Variants in ENOSF1 observed in about 807,000 individuals in gnomAD.
ENOSF1 encodes mitochondrial enolase superfamily member 1.
Under a neutral mutation model 68.2 loss-of-function variants are expected in ENOSF1, and 73 were observed. That is an observed-to-expected ratio of 1.07 (90% CI 0.89 to 1.30). The LOEUF (loss-of-function observed/expected upper bound fraction) is 1.30, where lower values mean the gene tolerates loss of function less well. ENOSF1 is among the 50% of genes most tolerant of loss of function. The pLI is 0.00. For missense variants in ENOSF1, 589 were observed against 554.5 expected (o/e 1.06, Z -0.62); for synonymous variants, 223 against 210.4 (o/e 1.06, Z -0.52).
Position 691,113 on chromosome 18 carries a change from G to T in ENOSF1, c.497-7C>A, listed in dbSNP as rs756123052. On this transcript the variant is annotated splice_region_variant and splice_polypyrimidine_tract_variant and intron_variant, in intron 6 of 15. Transcript: ENST00000647584. The stretch of plus-strand genomic sequence containing the variant: ...TGACCTTTCTGCAGTATTTCTGGAA[G>T]AAATAAAAAGCATCACTCACTCTTT... The T allele has an allele frequency of 1.9e-6, 3 of 1,614,026 alleles. No homozygotes were observed. Among genetic ancestry groups the T allele is most frequent in the Non-Finnish European group, 1.7e-6 (2 of 1,179,930 alleles).
chr18:680,676 G>GTT (rs33931715), intron 11 of ENOSF1, among the ~76,000 whole-genome samples: 406 of 100,946 alleles, frequency 4.0e-3, no homozygotes, highest in Non-Finnish European at 5.9e-3. Flanking sequence ...ATGCTGTTGT[G>GTT]TTTTTTTTTT....
At chr18:663,821 A>G in the ENOSF1 span, among the ~76,000 whole-genome samples, 1 of 103,066 alleles carries the variant, frequency 9.7e-6, no homozygotes, top group African/African-American at 5.7e-5. Context: ...AAGATCAGAT[A>G]GTTGTAGATA....
At position 670,782 on chromosome 18, in the gene ENOSF1, C is replaced by T. The variant is rs201232749; in HGVS notation, c.*3523G>A. On this transcript the variant is annotated 3_prime_UTR_variant, in exon 16 of 16. Transcript: ENST00000647584. ...CTGTCCTGCCAGCTGTACCAGAGAT[C>T]GGGAGACATGGGCCTCGGTGTGCCT... 1 of 1,614,088 alleles carries T rather than the reference C, an allele frequency of 6.2e-7. No homozygotes were observed.
At chr18:683,033 A>T in intron 11 of ENOSF1, 1 of 560,082 alleles carries the variant, frequency 1.8e-6, no homozygotes, top group East Asian at 3.1e-5. Flanking sequence ...CTTTATCTAA[A>T]ACAAACAGAA....
chr18:685,065 T>TAC (rs1167482547), intron 10 of ENOSF1, among the ~76,000 whole-genome samples: 2 of 152,158 alleles, frequency 1.3e-5, no homozygotes, highest in Non-Finnish European at 2.9e-5. Flanking sequence ...AGTCTTGCTA[T>TAC]GTAGCCCAGG....
chr18:677,254 T>G lies in ENOSF1; in HGVS notation c.1148+91A>C, dbSNP rs1460432618. On this transcript the variant is annotated intron_variant, in intron 14 of 15. Transcript: ENST00000647584. ...GACATGCCAGCGGACAAGGTCTTAG[T>G]GTGTTCTGGTCATGAAGGCAGAATT... The G allele has an allele frequency of 2.1e-5, 22 of 1,050,292 alleles. No individual in the cohort carries two copies. The East Asian group carries it at 4.8e-4, about 23-fold the overall frequency. The allele number at this position is 1,050,292 out of a possible 1,614,324, so 65.1% of individuals were successfully genotyped here.
At chr18:686,273 T>C (rs752916378) in intron 9 of ENOSF1, 28 of 412,918 alleles carry the variant, frequency 6.8e-5, no homozygotes, top group Non-Finnish European at 1.1e-4. Flanking sequence ...TTTAATATAA[T>C]TAACTCCGTT....
intron 1 of ENOSF1, among the ~76,000 whole-genome samples, chr18:711,109 G>T (rs2079481622): frequency 6.6e-6 from 1 of 152,054 alleles, no homozygotes; most frequent in Non-Finnish European, 1.5e-5. Flanking sequence ...GGTCAAGGCT[G>T]CTGTGAGCCA....
At chr18:667,245 T>A (rs369006895), downstream of ENOSF1, among the ~76,000 whole-genome samples, 50 of 20,354 alleles carry the variant, frequency 2.5e-3, 2 homozygotes, top group African/African-American at 3.4e-3. Flanking sequence ...ATGGAGATGG[T>A]GATGGTGATG....
intron 7 of ENOSF1, 72 bp from the exon 8 acceptor site, chr18:690,703 A>C: frequency 6.5e-7 from 1 of 1,538,930 alleles, no homozygotes; most frequent in South Asian, 1.2e-5. Context: ...CCTGTAGCTA[A>C]GCTGTTTCCC....
At chr18:696,204 C>CTTTTTTTTTTTTTT (rs368856668) in intron 3 of ENOSF1, among the ~76,000 whole-genome samples, 5 of 118,688 alleles carry the variant, frequency 4.2e-5, no homozygotes, top group Non-Finnish European at 4.9e-5. Flanking sequence ...ACATCTCTCT[C>CTTTTTTTTTTTTTT]TTTTTTTTTT....
At position 671,452 on chromosome 18, in the gene ENOSF1, G is replaced by C; in HGVS notation, c.*2853C>G. 1 of 1,602,922 alleles carries C rather than the reference G, an allele frequency of 6.2e-7. No homozygotes were observed. The highest frequency in any genetic ancestry group is 1.3e-5 in the African/African-American group (1 of 74,744). ...TCACATCGAGCCACTGAAAATTCAG[G>C]TAAGAATTAGATGTTATACTTTTGG... is the stretch of plus-strand genomic sequence containing the variant. On this transcript the variant is annotated 3_prime_UTR_variant, in exon 16 of 16. Coordinates refer to ENST00000647584, the MANE Select transcript of ENOSF1 (RefSeq NM_017512.7).
chr18:699,187 A>G (rs1346340995), intron 2 of ENOSF1, among the ~76,000 whole-genome samples: 1 of 152,048 alleles, frequency 6.6e-6, no homozygotes, highest in Non-Finnish European at 1.5e-5. Context: ...GATTTCTTGG[A>G]CCTGGCGCTC....
intron 1 of ENOSF1, chr18:706,844 AGTCTTGCTCT>A (rs1489317449): frequency 8.8e-5 from 13 of 148,296 alleles, no homozygotes; most frequent in African/African-American, 3.1e-4. Flanking sequence ...TTTGAGACAG[AGTCTTGCTCT>A]GTCACCTAGG....
chr18:672,960 A>G lies in ENOSF1; in HGVS notation c.*1345T>C, dbSNP rs2075135057. On this transcript the variant is annotated 3_prime_UTR_variant, in exon 16 of 16. Coordinates refer to ENST00000647584, the MANE Select transcript of ENOSF1 (RefSeq NM_017512.7). ...GAAGACTTTCAGATTGAAGGGTACA[A>G]TCCGCATCCAACTATTAAAATGGAA... 6.3e-7 allele frequency: 1 copy of G among 1,584,270 alleles called. No individual in the cohort carries two copies. Among genetic ancestry groups the G allele is most frequent in the African/African-American group, 1.3e-5 (1 of 74,732 alleles).
At position 694,286 on chromosome 18, in the gene ENOSF1, T is replaced by G; in HGVS notation, c.358A>C (p.Asn120His). ...VVHLATAAVL[N>H]AVWDLWAKQE... The stretch of plus-strand genomic sequence containing the variant: ...TTGGCCCACAAGTCCCACACCGCGT[T>G]TAGGACGGCCGCTGTCGCCAGGTGC... The change falls in exon 4 of 16, where the codon AAC (asparagine) becomes CAC (histidine). Residue 120 changes from asparagine (N) to histidine (H), a missense_variant. By Grantham distance (68) the Asn-to-His change is moderately conservative (BLOSUM62 1). Transcript: ENST00000647584. 1.2e-6 allele frequency: 2 copies of G among 1,614,158 alleles called. No homozygotes were observed. Among genetic ancestry groups the G allele is most frequent in the Non-Finnish European group, 1.7e-6 (2 of 1,180,032 alleles).
intron 11 of ENOSF1, among the ~76,000 whole-genome samples, chr18:679,018 C>T (rs767259488): frequency 6.6e-6 from 1 of 152,148 alleles, no homozygotes; most frequent in Admixed American, 6.5e-5. Context: ...GCTCCAGCTG[C>T]GCTCCTCCCA....
Position 672,852 on chromosome 18 carries a change from G to A in ENOSF1, c.*1453C>T. 1 of 1,555,206 alleles carries A rather than the reference G, an allele frequency of 6.4e-7. No individual in the cohort carries two copies. The highest frequency in any genetic ancestry group is 1.4e-5 in the African/African-American group (1 of 73,966). On this transcript the variant is annotated 3_prime_UTR_variant, in exon 16 of 16. Transcript: ENST00000647584. ...TATGGCAAAATAATGGCCTTATTTT[G>A]TTTTTAGCTTCAGCGAGAACCCAGA...
chr18:692,913 C>CA (rs2077348532), intron 5 of ENOSF1: 1 of 1,170,578 alleles, frequency 8.5e-7, no homozygotes, highest in Admixed American at 3.7e-5. Context: ...CAACACTCTT[C>CA]AAGGCCATGG....
Sources: allele counts gnomAD v4.1 joint callset (sites outside exome capture counted in the v4.1 genomes callset), GRCh38; gene constraint gnomAD v4.1.1; transcripts MANE v1.5; gene names NCBI Gene and HGNC (gene_info 2026-07-23, HGNC 2026-07-21).